Variants in RB1CC1 observed in about 807,000 individuals in gnomAD.
The protein encoded by RB1CC1 is RB1 inducible coiled-coil 1.
RB1CC1 carries 46 observed loss-of-function variants against 177.5 expected under a neutral mutation model. The ratio of observed to expected loss-of-function variants is 0.26; its 90% CI spans 0.20 to 0.33. The LOEUF (loss-of-function observed/expected upper bound fraction) is 0.33. RB1CC1 is among the 10% of genes least tolerant of loss of function. RB1CC1 has a pLI of 1.00. For synonymous variants in RB1CC1, 666 were observed against 613.6 expected, an observed-to-expected ratio of 1.09 and a Z score of -1.26; for missense variants, 1,703 against 1,816.3, an observed-to-expected ratio of 0.94 and a Z score of 1.13.
intron 1 of RB1CC1, among the ~76,000 whole-genome samples, chr8:52,703,769 A>T (rs551793100): frequency 6.6e-6 from 1 of 152,210 alleles, no homozygotes; most frequent in South Asian, 2.1e-4. Flanking sequence ...GCAAATGGCT[A>T]AAAAAAATTT....
At chr8:52,675,276 G>A (rs192543986) in intron 6 of RB1CC1, among the ~76,000 whole-genome samples, 1 of 151,738 alleles carries the variant, frequency 6.6e-6, no homozygotes, top group Non-Finnish European at 1.5e-5. Flanking sequence ...GAATTTAAAA[G>A]GTTACCCAAA....
At chr8:52,703,595 C>G (rs72633843) in intron 1 of RB1CC1, among the ~76,000 whole-genome samples, 3,115 of 152,248 alleles carry the variant, frequency 0.02, 44 homozygotes, top group Non-Finnish European at 0.032. Context: ...GTCGTAAAGT[C>G]TTCCTCAATG....
chr8:52,665,634 A>G (rs1852004696), intron 8 of RB1CC1, among the ~76,000 whole-genome samples: 1 of 152,236 alleles, frequency 6.6e-6, no homozygotes, highest in African/African-American at 2.4e-5. Context: ...AGAAGAAGCA[A>G]AAGATCAGGA....
intron 1 of RB1CC1, among the ~76,000 whole-genome samples, chr8:52,708,320 T>C (rs1856763841): frequency 1.3e-5 from 2 of 151,958 alleles, no homozygotes; most frequent in Non-Finnish European, 1.5e-5. Flanking sequence ...ATCGAGACCA[T>C]CCTGGCTAAC....
intron 22 of RB1CC1, among the ~76,000 whole-genome samples, chr8:52,625,994 A>G (rs754464779): frequency 6.6e-6 from 1 of 152,254 alleles, no homozygotes; most frequent in African/African-American, 2.4e-5. Context: ...ATACGATCAC[A>G]TGACAGAAAC....
intron 22 of RB1CC1, among the ~76,000 whole-genome samples, chr8:52,626,112 T>C (rs1848370727): frequency 6.6e-6 from 1 of 152,114 alleles, no homozygotes; most frequent in Non-Finnish European, 1.5e-5. Context: ...TAAATGCTTG[T>C]ATGATGCCAG....
At chr8:52,635,195 T>C (rs1047458965) in intron 19 of RB1CC1, among the ~76,000 whole-genome samples, 1 of 152,206 alleles carries the variant, frequency 6.6e-6, no homozygotes, top group Non-Finnish European at 1.5e-5. Flanking sequence ...CAAACATTAA[T>C]ATGCGTTAGA....
chr8:52,710,519 C>A (rs1431025663), intron 1 of RB1CC1, among the ~76,000 whole-genome samples: 1 of 151,996 alleles, frequency 6.6e-6, no homozygotes, highest in Non-Finnish European at 1.5e-5. Context: ...GAGGTGACAC[C>A]CTACATACTA....
chr8:52,655,765 T>A (rs1324026753), intron 15 of RB1CC1, among the ~76,000 whole-genome samples: 3 of 152,136 alleles, frequency 2.0e-5, no homozygotes, highest in Admixed American at 6.5e-5. Flanking sequence ...CATTTCAAAC[T>A]TTCAACAAAA....
At chr8:52,673,819 A>G (rs1289672790) in intron 7 of RB1CC1, 26 bp downstream of exon 7, 2 of 1,558,006 alleles carry the variant, frequency 1.3e-6, no homozygotes, top group Middle Eastern at 1.7e-4. Context: ...AAATGACAAA[A>G]CAAACATCAA....
intron 15 of RB1CC1, among the ~76,000 whole-genome samples, chr8:52,648,407 T>TG (rs1172249706): frequency 1.3e-5 from 2 of 152,208 alleles, no homozygotes; most frequent in African/African-American, 4.8e-5. Context: ...GAAATGGCCC[T>TG]GCTATCAGGG....
At chr8:52,680,402 A>C (rs542114627) in intron 5 of RB1CC1, among the ~76,000 whole-genome samples, 1 of 152,216 alleles carries the variant, frequency 6.6e-6, no homozygotes, top group Non-Finnish European at 1.5e-5. Context: ...AAATTAATAG[A>C]ATTACCATGT....
At position 52,685,337 on chromosome 8, in the gene RB1CC1, A is replaced by C. The variant is rs550647003; in HGVS notation, c.71+62T>G. On this transcript the variant is annotated intron_variant, in intron 3 of 23. Transcript: ENST00000025008. The stretch of plus-strand genomic sequence containing the variant: ...CCTACTTTTTAAACAGTAGAATAAT[A>C]TTTCTTTAACTTTCTGCATGCAGAC... 2.0e-5 allele frequency: 25 copies of C among 1,254,358 alleles called. No homozygotes were observed. In the South Asian group the frequency reaches 3.0e-4, roughly 15 times the overall value. The allele number at this position is 1,254,358 out of a possible 1,614,324, so 77.7% of individuals were successfully genotyped here.
chr8:52,652,734 C>T (rs1050348528), intron 15 of RB1CC1, among the ~76,000 whole-genome samples: 1 of 152,188 alleles, frequency 6.6e-6, no homozygotes, highest in African/African-American at 2.4e-5. Flanking sequence ...CCTGCAAATG[C>T]TAAAATTTTT....
intron 1 of RB1CC1, among the ~76,000 whole-genome samples, chr8:52,704,569 A>G (rs376920296): frequency 3.3e-5 from 5 of 152,208 alleles, no homozygotes; most frequent in East Asian, 3.9e-4. Flanking sequence ...AACTTAATAA[A>G]CCAATGATTT....
In RB1CC1 at chr8:52,660,655, T is replaced by C; in HGVS notation, c.1630A>G (p.Lys544Glu). Reference sequence around the variant, plus strand: ...AACAGACGATTTCTTAAAAAAGACTTCCCTGTATAAAGAAATTAACAATAT... The same window carrying C: ...AACAGACGATTTCTTAAAAAAGACTCCCCTGTATAAAGAAATTAACAATAT... The part of the protein sequence containing the change: ...KRESFGKLFR[K>E]SFLRNRLFRG... Residue 544 changes from lysine to glutamate, a missense_variant and splice_region_variant, in exon 12 of 24, where the codon AAG becomes GAG. Lys to Glu is a moderately conservative substitution (Grantham distance 56). Transcript: ENST00000025008. 1 of 1,596,456 alleles carries C rather than the reference T, an allele frequency of 6.3e-7. No individual in the cohort carries two copies. The highest frequency in any genetic ancestry group is 8.5e-7 in the Non-Finnish European group (1 of 1,174,370).
chr8:52,634,307 G>A (rs1360363679), intron 20 of RB1CC1, among the ~76,000 whole-genome samples: 1 of 152,102 alleles, frequency 6.6e-6, no homozygotes, highest in Non-Finnish European at 1.5e-5. Flanking sequence ...CAGATCACCT[G>A]AGGCCAGGGG....
rs148811999 is a variant in RB1CC1, at chr8:52,658,231, C to T, written c.1794-107G>A. ...AAAAATAACAAGAGCCTTATCATTC[C>T]TTTTTAAATTAATACCAGAAGTATT... On this transcript the variant is annotated intron_variant, in intron 13 of 23. Transcript: ENST00000025008. 4.5e-4 allele frequency: 546 copies of T among 1,206,872 alleles called. 2 individuals are homozygous for T. In the African/African-American group the frequency reaches 7.0e-3, roughly 15 times the overall value. The allele number at this position is 1,206,872 out of a possible 1,614,324, so 74.8% of individuals were successfully genotyped here.
At chr8:52,706,360 T>A (rs1286443414) in intron 1 of RB1CC1, among the ~76,000 whole-genome samples, 1 of 98,992 alleles carries the variant, frequency 1.0e-5, no homozygotes, top group African/African-American at 3.0e-5. Context: ...CCAACTGTTA[T>A]CTTTTTTTTT....
Sources: gnomAD v4.1 joint callset for allele counts (sites outside exome capture counted in the v4.1 genomes callset) on GRCh38, gnomAD v4.1.1 for gene constraint, MANE v1.5 for transcripts, NCBI Gene and HGNC (gene_info 2026-07-23, HGNC 2026-07-21) for gene names.